SNN: variants seen among roughly 807,000 people sequenced by gnomAD.
SNN encodes AG8_1.
Under a neutral mutation model 5.3 loss-of-function variants are expected in SNN, and 5 were observed. The ratio of observed to expected loss-of-function variants is 0.94; its 90% CI spans 0.49 to 1.97. The LOEUF is 1.97. SNN is among the 30% of genes most tolerant of loss of function. The probability of loss-of-function intolerance (pLI) is 0.01; values close to 1 mark genes in which losing one functional copy is unlikely to be tolerated. For missense variants in SNN, 127 were observed against 121.6 expected (o/e 1.04, Z -0.21); for synonymous variants, 67 against 52.1 (o/e 1.29, Z -1.24).
chr16:11,676,464 T>G lies in SNN; in HGVS notation c.*138T>G, dbSNP rs2050305457. ...GGCCTCTGCGGGCTTCGTCATCGCA[T>G]GCACTGATGCCCGGGGACCTGGCTG... On this transcript the variant is annotated 3_prime_UTR_variant, in exon 2 of 2. Transcript: ENST00000329565. 9.3e-7 allele frequency: 1 copy of G among 1,076,616 alleles called. No individual in the cohort carries two copies. The highest frequency in any genetic ancestry group is 1.3e-6 in the Non-Finnish European group (1 of 755,532). The allele number at this position is 1,076,616 out of a possible 1,614,324, so 66.7% of individuals were successfully genotyped here.
At position 11,676,273 on chromosome 16, in the gene SNN, G is replaced by A. The variant is rs781480167; in HGVS notation, c.214G>A (p.Val72Met). The A allele has an allele frequency of 2.7e-5, 43 of 1,614,078 alleles. No homozygotes were observed. In the African/African-American group the frequency reaches 3.3e-4, roughly 13 times the overall value. The change falls in exon 2 of 2, where the codon GTG (valine) becomes ATG (methionine). Residue 72 changes from valine (V) to methionine (M), a missense_variant. Val to Met is a conservative substitution (Grantham distance 21, BLOSUM62 1). Coordinates refer to ENST00000329565, the MANE Select transcript of SNN (RefSeq NM_003498.6). ...GCAGTATTCGGCCAAGGGACCGTGCGTGGAGAGAAAGGCCAAGCTGATGAC... is the reference window on the plus strand; with the variant it reads ...GCAGTATTCGGCCAAGGGACCGTGCATGGAGAGAAAGGCCAAGCTGATGAC... Reference protein sequence around the residue: ...LVQYSAKGPCVERKAKLMTPN... With the variant: ...LVQYSAKGPCMERKAKLMTPN...
At chr16:11,669,806 G>A (rs1010006776) in intron 1 of SNN, among the ~76,000 whole-genome samples, 1 of 152,206 alleles carries the variant, frequency 6.6e-6, no homozygotes, top group Non-Finnish European at 1.5e-5. Flanking sequence ...GGGCAGTCCC[G>A]GTTCAGAGCT....
rs1286874255 is a variant in SNN, at chr16:11,676,079, G to A, written c.20G>A (p.Ser7Asn). Residue 7 changes from serine (S) to asparagine (N), a missense_variant, in exon 2 of 2, where the codon AGC (serine) becomes AAC (asparagine). Physicochemically the swap from Ser to Asn is conservative, Grantham distance 46. Transcript: ENST00000329565. ...CTGACCATGTCTATTATGGACCACA[G>A]CCCCACCACGGGCGTGGTCACAGTC... MSIMDH[S>N]PTTGVVTVIV... The A allele has an allele frequency of 6.2e-7, 1 of 1,609,432 alleles. No individual in the cohort carries two copies. The highest frequency in any genetic ancestry group is 8.5e-7 in the Non-Finnish European group (1 of 1,176,886).
intron 1 of SNN, among the ~76,000 whole-genome samples, chr16:11,673,288 G>A (rs2050277706): frequency 6.6e-6 from 1 of 152,118 alleles, no homozygotes; most frequent in African/African-American, 2.4e-5. Flanking sequence ...CAGGGGAGAG[G>A]CCAGGGTGGT....
rs2050306884 is a variant in SNN at position 11,676,712 on chromosome 16, A to G, written c.*386A>G. On this transcript the variant is annotated 3_prime_UTR_variant, in exon 2 of 2. Transcript: ENST00000329565. ...TAAGCCCTTTTGCTGATTTTTAAAA[A>G]TATCATCTAGCGCACACGGGACTGG... 4.5e-6 allele frequency: 1 copy of G among 224,386 alleles called. No homozygotes were observed. Among genetic ancestry groups the G allele is most frequent in the Non-Finnish European group, 9.8e-6 (1 of 102,056 alleles). The allele number at this position is 224,386 out of a possible 1,614,324, so 13.9% of individuals were successfully genotyped here.
rs1170225276 is a variant in SNN at position 11,672,428 on chromosome 16, G to A, written c.-85-3547G>A. On this transcript the variant is annotated intron_variant, in intron 1 of 1. Transcript: ENST00000329565. This position sits in a 1 kb window ranked among gnomAD's most constrained non-coding sequence, Gnocchi z 6.0. ...AAGAGGCGCCTTCTGAGAAAGTCCC[G>A]AATAGGAAGGTGCCAGCCGTGGGGC... 2.0e-5 allele frequency among the ~76,000 whole-genome samples: 3 copies of A among 152,188 alleles called. No individual in the cohort carries two copies. Among genetic ancestry groups the A allele is most frequent in the Admixed American group, 6.5e-5 (1 of 15,284 alleles).
rs1485362310 is a variant in SNN, at chr16:11,676,026, G to T, written c.-34G>T. 1 of 1,545,592 alleles carries T rather than the reference G, an allele frequency of 6.5e-7. No individual in the cohort carries two copies. The highest frequency in any genetic ancestry group is 8.7e-7 in the Non-Finnish European group (1 of 1,142,964). On this transcript the variant is annotated 5_prime_UTR_variant, in exon 2 of 2. Coordinates refer to ENST00000329565, the MANE Select transcript of SNN (RefSeq NM_003498.6). ...GCCTCACTGAGTGGCCACCCCCAAA[G>T]TGCTGCCAGCCGAGGAAGCCCCCAG...
intron 1 of SNN, among the ~76,000 whole-genome samples, chr16:11,674,420 C>G (rs2050285527): frequency 6.6e-6 from 1 of 152,212 alleles, no homozygotes; most frequent in South Asian, 2.1e-4. Context: ...CTGGCCTCAG[C>G]ATGCTCTCAC....
chr16:11,671,381 C>G lies in SNN; in HGVS notation c.-86+2841C>G, dbSNP rs1427367268. Among the ~76,000 whole-genome samples the G allele has an allele frequency of 1.3e-5, 2 of 152,094 alleles. No individual in the cohort carries two copies. The highest frequency in any genetic ancestry group is 4.8e-5 in the African/African-American group (2 of 41,410). On this transcript the variant is annotated intron_variant, in intron 1 of 1. Coordinates refer to ENST00000329565, the MANE Select transcript of SNN (RefSeq NM_003498.6). This position sits in a 1 kb window ranked among gnomAD's most constrained non-coding sequence, Gnocchi z 4.7. ...GGCAGAGGGGACACTCCAGCCTGCC[C>G]AGAGATGGAAGGCCCAGGCTGTGCT...
chr16:11,679,087 C>T lies in SNN; in HGVS notation c.*2761C>T, dbSNP rs2050336510. On this transcript the variant is annotated 3_prime_UTR_variant, in exon 2 of 2. Coordinates refer to ENST00000329565, the MANE Select transcript of SNN (RefSeq NM_003498.6). This position sits in a 1 kb window ranked among gnomAD's most constrained non-coding sequence, Gnocchi z 4.6. ...GCTGAATGACATTCAAGCTGATTTTCTAGACCACTGAGAAAATCTTTATTT... is the reference window on the plus strand; with the variant it reads ...GCTGAATGACATTCAAGCTGATTTTTTAGACCACTGAGAAAATCTTTATTT... The T allele has an allele frequency of 1.7e-6, 2 of 1,211,644 alleles. No individual in the cohort carries two copies. Among genetic ancestry groups the T allele is most frequent in the East Asian group, 2.6e-5 (1 of 39,114 alleles). 75.1% of individuals were successfully genotyped at this position (1,211,644 alleles called of 1,614,324 possible). A position where few individuals can be genotyped will look rare whatever the true frequency, so the allele number is the denominator to read the frequency against.
intron 1 of SNN, among the ~76,000 whole-genome samples, chr16:11,670,344 G>A (rs1409993238): frequency 6.6e-6 from 1 of 152,218 alleles, no homozygotes; most frequent in Admixed American, 6.5e-5. Context: ...TTTGCTGGTG[G>A]TGAGCCCGGC....
At chr16:11,669,452 G>A (rs1006603940) in intron 1 of SNN, among the ~76,000 whole-genome samples, 5 of 152,234 alleles carry the variant, frequency 3.3e-5, no homozygotes, top group African/African-American at 1.2e-4. Context: ...GATTTTGGAT[G>A]CAGGTTGCCT....
Position 11,676,044 on chromosome 16 carries a change from G to C in SNN, c.-16G>C. 1.9e-6 allele frequency: 3 copies of C among 1,559,602 alleles called. No homozygotes were observed. The highest frequency in any genetic ancestry group is 2.6e-6 in the Non-Finnish European group (3 of 1,148,008). ...CCCCAAAGTGCTGCCAGCCGAGGAA[G>C]CCCCCAGCACTGACCATGTCTATTA... On this transcript the variant is annotated 5_prime_UTR_variant, in exon 2 of 2. Transcript: ENST00000329565.
chr16:11,675,541 A>G (rs1403694028), intron 1 of SNN, among the ~76,000 whole-genome samples: 1 of 152,120 alleles, frequency 6.6e-6, no homozygotes, highest in Non-Finnish European at 1.5e-5. Context: ...TGCTGGAATT[A>G]CAGGCATGAG....
At position 11,668,919 on chromosome 16, in the gene SNN, C is replaced by T. The variant is rs2050246633; in HGVS notation, c.-86+379C>T. On this transcript the variant is annotated intron_variant, in intron 1 of 1. Transcript: ENST00000329565. This position sits in a 1 kb window ranked among gnomAD's most constrained non-coding sequence, Gnocchi z 6.8. ...AAAATTCTGGGAGCTCCGGGGAGGG[C>T]TCCGGGGATAGGGGTCCAGGTGACG... Among the ~76,000 whole-genome samples the T allele has an allele frequency of 6.6e-6, 1 of 151,978 alleles. No homozygotes were observed. The highest frequency in any genetic ancestry group is 2.4e-5 in the African/African-American group (1 of 41,412).
At chr16:11,675,098 G>A (rs114227711) in intron 1 of SNN, among the ~76,000 whole-genome samples, 7 of 152,200 alleles carry the variant, frequency 4.6e-5, no homozygotes, top group African/African-American at 7.2e-5. Flanking sequence ...GGTGTGCCGC[G>A]TTCCAGGGGT....
chr16:11,672,438 G>A lies in SNN; in HGVS notation c.-85-3537G>A, dbSNP rs768098913. Among the ~76,000 whole-genome samples the A allele has an allele frequency of 6.6e-6, 1 of 152,212 alleles. No homozygotes were observed. Among genetic ancestry groups the A allele is most frequent in the African/African-American group, 2.4e-5 (1 of 41,444 alleles). On this transcript the variant is annotated intron_variant, in intron 1 of 1. Transcript: ENST00000329565. The surrounding 1 kb of genome is among the most constrained non-coding windows in gnomAD (Gnocchi z 6.0). ...TTCTGAGAAAGTCCCGAATAGGAAGGTGCCAGCCGTGGGGCGGTCAGGGCA... is the reference window on the plus strand; with the variant it reads ...TTCTGAGAAAGTCCCGAATAGGAAGATGCCAGCCGTGGGGCGGTCAGGGCA...
chr16:11,675,459 G>A (rs1382350093), intron 1 of SNN, among the ~76,000 whole-genome samples: 1 of 152,018 alleles, frequency 6.6e-6, no homozygotes, highest in Non-Finnish European at 1.5e-5. Context: ...TAGATACGAG[G>A]TTTCACTATG....
Position 11,676,091 on chromosome 16 carries a change from G to T in SNN, c.32G>T (p.Gly11Val), listed in dbSNP as rs777088571. Residue 11 changes from glycine to valine, a missense_variant, in exon 2 of 2, where the codon GGC becomes GTC. By Grantham distance (109) the Gly-to-Val change is moderately radical. Transcript: ENST00000329565. The part of the protein sequence containing the change: MSIMDHSPTT[G>V]VVTVIVILIA... ...ATTATGGACCACAGCCCCACCACGG[G>T]CGTGGTCACAGTCATCGTCATCCTC... is the stretch of plus-strand genomic sequence containing the variant. 3.7e-6 allele frequency: 6 copies of T among 1,612,268 alleles called. No individual in the cohort carries two copies. The East Asian group carries it at 1.3e-4, about 36-fold the overall frequency.
Sources: allele counts gnomAD v4.1 joint callset (sites outside exome capture counted in the v4.1 genomes callset), GRCh38; gene constraint gnomAD v4.1.1; non-coding constraint Gnocchi (gnomAD v3.1); transcripts MANE v1.5; gene names NCBI Gene and HGNC (gene_info 2026-07-23, HGNC 2026-07-21).